OGFOD3: variants seen among roughly 807,000 people sequenced by gnomAD.
The protein encoded by OGFOD3 is 2-oxoglutarate and iron-dependent oxygenase domain-containing protein 3.
A neutral mutation model predicts 39.8 loss-of-function variants in OGFOD3; 35 were observed. The observed-to-expected ratio is 0.88, with a 90% CI of 0.67 to 1.17. The LOEUF is 1.17. OGFOD3 is among the 50% of genes most tolerant of loss of function. The pLI is 0.00. For synonymous variants in OGFOD3, 200 were observed against 192.0 expected (o/e 1.04, Z -0.34); for missense variants, 438 against 454.5 (o/e 0.96, Z 0.33).
At chr17:82,395,588 G>A (rs186090536) in intron 8 of OGFOD3, among the ~76,000 whole-genome samples, 2,124 of 152,308 alleles carry the variant, frequency 0.014, 33 homozygotes, top group Non-Finnish European at 0.021. Context: ...TTGGGAGGCC[G>A]AGGCGGGTGG....
chr17:82,415,522 G>T lies in OGFOD3; in HGVS notation c.180C>A (p.Leu60=). 6.2e-7 allele frequency: 1 copy of T among 1,613,628 alleles called. No homozygotes were observed. Residue 60 remains leucine, a synonymous_variant, in exon 2 of 9, where the codon CTC becomes CTA. Transcript: ENST00000313056. The surrounding 1 kb of genome is among the most constrained non-coding windows in gnomAD (Gnocchi z 5.3). ...CGTCGTCGGCCCCCAAGCTGCTCCAGAGCAGGAGTGCGGTGAGCACAAAGC... is the reference window on the plus strand; with the variant it reads ...CGTCGTCGGCCCCCAAGCTGCTCCATAGCAGGAGTGCGGTGAGCACAAAGC... The part of the protein sequence containing the change: ...GAGFVLTALL[L]WSSLGADDGV...
intron 7 of OGFOD3, among the ~76,000 whole-genome samples, chr17:82,402,978 T>A (rs1200252347): frequency 1.3e-5 from 2 of 152,136 alleles, no homozygotes; most frequent in Non-Finnish European, 2.9e-5. Flanking sequence ...CAGGATGGCT[T>A]GAGCCTGGGA....
At chr17:82,399,306 C>T (rs1002694821) in intron 7 of OGFOD3, among the ~76,000 whole-genome samples, 2 of 152,194 alleles carry the variant, frequency 1.3e-5, no homozygotes, top group African/African-American at 2.4e-5. Flanking sequence ...GCAAAGGCTA[C>T]GGGCAGCAGG....
rs976790900 is a variant in OGFOD3, at chr17:82,391,996, T to C, written c.*402A>G. 2.4e-4 allele frequency: 43 copies of C among 182,212 alleles called. No individual in the cohort carries two copies. Among genetic ancestry groups the C allele is most frequent in the African/African-American group, 9.0e-4 (37 of 41,086 alleles). 11.3% of individuals were successfully genotyped at this position (182,212 alleles called of 1,614,324 possible). A position where few individuals can be genotyped will look rare whatever the true frequency, so the allele number is the denominator to read the frequency against. ...TGCCGAGACCCCGAACAGAAGCTGC[T>C]GGCCCCACGTTTGTCCCCATTTATG... On this transcript the variant is annotated 3_prime_UTR_variant, in exon 9 of 9. Transcript: ENST00000313056. This position sits in a 1 kb window ranked among gnomAD's most constrained non-coding sequence, Gnocchi z 5.1.
At chr17:82,397,215 T>A (rs980114368) in intron 8 of OGFOD3, among the ~76,000 whole-genome samples, 2 of 151,994 alleles carry the variant, frequency 1.3e-5, no homozygotes, top group African/African-American at 2.4e-5. Context: ...AAAGAAGTCC[T>A]GACTGTCACA....
intron 2 of OGFOD3, among the ~76,000 whole-genome samples, chr17:82,413,953 G>C (rs9905760): frequency 0.46 from 69,946 of 151,458 alleles, 17,275 homozygotes; most frequent in East Asian, 0.92. Flanking sequence ...ATATATACAA[G>C]ATAGAATTTA....
rs1412523896 is a variant in OGFOD3, at chr17:82,390,357, C to T, written c.*2041G>A. ...GAGAAGCTCAAGGGCGGCCCAGGCT[C>T]AGGCGACTTCCCACCCACGATGGGG... On this transcript the variant is annotated 3_prime_UTR_variant, in exon 9 of 9. Transcript: ENST00000313056. This position sits in a 1 kb window ranked among gnomAD's most constrained non-coding sequence, Gnocchi z 4.9. The T allele has an allele frequency of 6.6e-6, 1 of 152,314 alleles. No homozygotes were observed. The highest frequency in any genetic ancestry group is 1.9e-4 in the East Asian group (1 of 5,200). 9.4% of individuals were successfully genotyped at this position (152,314 alleles called of 1,614,324 possible). A position where few individuals can be genotyped will look rare whatever the true frequency, so the allele number is the denominator to read the frequency against.
At position 82,418,471 on chromosome 17, in the gene OGFOD3, C is replaced by T; in HGVS notation, c.15G>A (p.Arg5=). The change falls in exon 1 of 9, where the codon CGG becomes CGA. Residue 5 remains arginine, a synonymous_variant. Coordinates refer to ENST00000313056, the MANE Select transcript of OGFOD3 (RefSeq NM_024648.3). The stretch of plus-strand genomic sequence containing the variant: ...CCTCGGGCGCCTTGGTTGCGGCCCT[C>T]CGCTGAGGAGCCATCGGACCAGGCC... The part of the protein sequence containing the change: MAPQ[R]RAATKAPEGN... The T allele has an allele frequency of 1.4e-6, 2 of 1,470,284 alleles. No homozygotes were observed. The highest frequency in any genetic ancestry group is 1.8e-6 in the Non-Finnish European group (2 of 1,116,298). 91.1% of individuals were successfully genotyped at this position (1,470,284 alleles called of 1,614,324 possible). A position where few individuals can be genotyped will look rare whatever the true frequency, so the allele number is the denominator to read the frequency against.
chr17:82,394,226 A>C (rs2052635425), intron 8 of OGFOD3: 1 of 822,236 alleles, frequency 1.2e-6, no homozygotes, highest in East Asian at 2.7e-5. Context: ...TCCTGACCTC[A>C]TGACCCGCCC....
intron 8 of OGFOD3, among the ~76,000 whole-genome samples, chr17:82,397,334 G>A (rs1383837540): frequency 6.9e-6 from 1 of 144,900 alleles, no homozygotes; most frequent in Non-Finnish European, 1.5e-5. Context: ...AGGGGGTGAG[G>A]GCAGTGTCCT....
chr17:82,414,148 G>A (rs1464627047), intron 2 of OGFOD3, among the ~76,000 whole-genome samples: 5 of 151,858 alleles, frequency 3.3e-5, no homozygotes, highest in African/African-American at 7.3e-5. Context: ...TTGGCGGGGG[G>A]TCAGGATCTC....
At chr17:82,398,128 G>GC in intron 8 of OGFOD3, 68 bp downstream of exon 8, 7 of 1,589,216 alleles carry the variant, frequency 4.4e-6, no homozygotes, top group Non-Finnish European at 5.2e-6. Flanking sequence ...CCAGGGACAC[G>GC]CCCCCCACAC....
intron 4 of OGFOD3, among the ~76,000 whole-genome samples, chr17:82,407,394 T>C (rs1330147308): frequency 6.6e-6 from 1 of 152,220 alleles, no homozygotes; most frequent in African/African-American, 2.4e-5. Context: ...CAGTCATGTG[T>C]CCCTGTGGGC....
In OGFOD3 at chr17:82,411,309, A is replaced by G. The variant is rs2052938498; in HGVS notation, c.380+146T>C. 7 of 677,604 alleles carry G rather than the reference A, an allele frequency of 1.0e-5. No individual in the cohort carries two copies. The Admixed American group carries it at 1.8e-4, about 18-fold the overall frequency. The allele number at this position is 677,604 out of a possible 1,614,324, so 42.0% of individuals were successfully genotyped here. A position where few individuals can be genotyped will look rare whatever the true frequency, so the allele number is the denominator to read the frequency against. ...CAATCTGCCCGCCTCAGCCTCCCCA[A>G]GTGCTGGGATTACAGGCGTGAGCCA... is the stretch of plus-strand genomic sequence containing the variant. On this transcript the variant is annotated intron_variant, in intron 3 of 8. Transcript: ENST00000313056.
In OGFOD3 at chr17:82,398,887, T is replaced by C. The variant is rs553083014; in HGVS notation, c.700-568A>G. Among the ~76,000 whole-genome samples the C allele has an allele frequency of 6.3e-4, 19 of 30,278 alleles. No homozygotes were observed. In the East Asian group the frequency reaches 8.0e-3, roughly 13 times the overall value. 19.9% of individuals were successfully genotyped at this position (30,278 alleles called of 152,430 possible). On this transcript the variant is annotated intron_variant, in intron 7 of 8. Coordinates refer to ENST00000313056, the MANE Select transcript of OGFOD3 (RefSeq NM_024648.3). ...TACAACCAGCTAATTTTTTCTTTTCTATTTTTTTTTTTGTAGAGATGGCAT... is the reference window on the plus strand; with the variant it reads ...TACAACCAGCTAATTTTTTCTTTTCCATTTTTTTTTTTGTAGAGATGGCAT...
At position 82,418,382 on chromosome 17, in the gene OGFOD3, A is replaced by G; in HGVS notation, c.74+30T>C. 2.8e-6 allele frequency: 4 copies of G among 1,411,912 alleles called. No individual in the cohort carries two copies. In the South Asian group the frequency reaches 5.1e-5, roughly 18 times the overall value. The allele number at this position is 1,411,912 out of a possible 1,614,324, so 87.5% of individuals were successfully genotyped here. ...ACTCCATGGCCCTGTCCGCCGCCGC[A>G]GCGCGCGCCCTTCCCCTCCTCACCG... On this transcript the variant is annotated intron_variant, in intron 1 of 8. Transcript: ENST00000313056.
rs2053015582 is a variant in OGFOD3, at chr17:82,415,420, G to A, written c.282C>T (p.Tyr94=). ...RFIEVPCSED[Y]DSHRRFEGCT... ...TACCTTCGAACCTGCGGTGACTGTCGTAGTCCTCAGAGCAGGGCACCTCGA... is the reference window on the plus strand; with the variant it reads ...TACCTTCGAACCTGCGGTGACTGTCATAGTCCTCAGAGCAGGGCACCTCGA... The change falls in exon 2 of 9, where the codon TAC becomes TAT. Residue 94 remains tyrosine, a synonymous_variant. Transcript: ENST00000313056. This position sits in a 1 kb window ranked among gnomAD's most constrained non-coding sequence, Gnocchi z 5.3. 2 of 1,613,818 alleles carry A rather than the reference G, an allele frequency of 1.2e-6. No homozygotes were observed. Among genetic ancestry groups the A allele is most frequent in the Non-Finnish European group, 1.7e-6 (2 of 1,179,878 alleles).
At chr17:82,405,301 C>T (rs1367681548) in intron 6 of OGFOD3, 23 bp downstream of exon 6, 5 of 1,611,746 alleles carry the variant, frequency 3.1e-6, no homozygotes, top group Non-Finnish European at 4.2e-6. Flanking sequence ...CTGCGAACCC[C>T]CACCCGCCTC....
rs1156846328 is a variant in OGFOD3 at position 82,404,184 on chromosome 17, C to T, written c.546-94G>A. 34 of 1,385,754 alleles carry T rather than the reference C, an allele frequency of 2.5e-5. No homozygotes were observed. The highest frequency in any genetic ancestry group is 1.5e-4 in the East Asian group (6 of 40,326). 85.8% of individuals were successfully genotyped at this position (1,385,754 alleles called of 1,614,324 possible). ...GGGTGGCAGGAAAGGAACCAGCCTT[C>T]GTACGGCTCCGGGCCCGCGGGGCGG... is the stretch of plus-strand genomic sequence containing the variant. On this transcript the variant is annotated intron_variant, in intron 6 of 8. Coordinates refer to ENST00000313056, the MANE Select transcript of OGFOD3 (RefSeq NM_024648.3). The surrounding 1 kb of genome is among the most constrained non-coding windows in gnomAD (Gnocchi z 4.5).
Sources: gnomAD v4.1 joint callset for allele counts (sites outside exome capture counted in the v4.1 genomes callset) on GRCh38, gnomAD v4.1.1 for gene constraint, Gnocchi (gnomAD v3.1) non-coding constraint, MANE v1.5 for transcripts, NCBI Gene and HGNC (gene_info 2026-07-23, HGNC 2026-07-21) for gene names.